The following FAM184B variants were observed in gnomAD, a reference collection of about 807,000 sequenced individuals.
FAM184B encodes family with sequence similarity 184 member B.
FAM184B carries 111 observed loss-of-function variants against 135.9 expected under a neutral mutation model. That is an observed-to-expected ratio of 0.82 (90% CI 0.70 to 0.96). The LOEUF (loss-of-function observed/expected upper bound fraction) is 0.96. Among genes scored for constraint, FAM184B ranks in the 40% least tolerant of loss-of-function variants. FAM184B has a pLI of 0.00. For synonymous variants in FAM184B, 552 were observed against 524.8 expected, an observed-to-expected ratio of 1.05 and a Z score of -0.71; for missense variants, 1,375 against 1,323.9, an observed-to-expected ratio of 1.04 and a Z score of -0.60.
intron 1 of FAM184B, among the ~76,000 whole-genome samples, chr4:17,766,138 T>G (rs1046978249): frequency 7.9e-5 from 12 of 152,228 alleles, no homozygotes; most frequent in Non-Finnish European, 1.5e-4. Context: ...AGGTTGCCAT[T>G]GCTGGGTCAG....
chr4:17,642,171 C>A lies in FAM184B; in HGVS notation c.2404G>T (p.Gly802Cys). Residue 802 changes from glycine to cysteine, a missense_variant, in exon 13 of 18, where the codon GGC (glycine) becomes TGC (cysteine). Gly to Cys is a radical substitution (Grantham distance 159). Transcript: ENST00000265018. ...TCCTCCCAGAGCCCGCATCCCTCGC[C>A]GGAACCCTGCCCAGCAGCGCCCGGT... ...SPPGAAGQGS[G>C]EGCGLWEENA... 1 of 1,532,470 alleles carries A rather than the reference C, an allele frequency of 6.5e-7. No individual in the cohort carries two copies. Among genetic ancestry groups the A allele is most frequent in the Non-Finnish European group, 8.7e-7 (1 of 1,145,226 alleles). 94.9% of individuals were successfully genotyped at this position (1,532,470 alleles called of 1,614,324 possible).
chr4:17,740,409 A>G (rs1010245886), intron 1 of FAM184B, among the ~76,000 whole-genome samples: 2 of 151,990 alleles, frequency 1.3e-5, no homozygotes, highest in African/African-American at 4.8e-5. Context: ...TGTATGTTAA[A>G]TGGTTCACAC....
At chr4:17,683,434 A>G (rs1047687272) in intron 7 of FAM184B, among the ~76,000 whole-genome samples, 1 of 152,214 alleles carries the variant, frequency 6.6e-6, no homozygotes, top group Non-Finnish European at 1.5e-5. Flanking sequence ...TCTGGAGTAG[A>G]TACTATCATT....
chr4:17,661,959 A>G (rs1271685082), intron 8 of FAM184B, among the ~76,000 whole-genome samples: 4 of 152,228 alleles, frequency 2.6e-5, no homozygotes, highest in Admixed American at 6.5e-5. Context: ...AATATATACA[A>G]CCATGAAACC....
rs374041125 is a variant in FAM184B at position 17,633,730 on chromosome 4, G to A, written c.3048C>T (p.Thr1016=). 9.9e-5 allele frequency: 154 copies of A among 1,549,698 alleles called. No individual in the cohort carries two copies. The highest frequency in any genetic ancestry group is 1.2e-4 in the Non-Finnish European group (140 of 1,146,160). Residue 1016 remains threonine, a synonymous_variant, in exon 17 of 18, where the codon ACC becomes ACT. Transcript: ENST00000265018. ...SLDPSPSCGR[T]YKPNQSTDAK... The stretch of plus-strand genomic sequence containing the variant: ...CATCTGTAGACTGGTTGGGTTTGTA[G>A]GTCCGGCCACAGCTGGGGCTTGGGT...
intron 1 of FAM184B, among the ~76,000 whole-genome samples, chr4:17,767,300 G>T (rs1718722129): frequency 6.6e-6 from 1 of 152,214 alleles, no homozygotes; most frequent in South Asian, 2.1e-4. Context: ...GGCCAGAGTG[G>T]GCTCCGAGGC....
intron 2 of FAM184B, 88 bp from the exon 3 acceptor site, chr4:17,707,872 G>T: frequency 6.8e-7 from 1 of 1,468,076 alleles, no homozygotes. Flanking sequence ...AGACCTGAAA[G>T]GCGGGTATAT....
intron 12 of FAM184B, among the ~76,000 whole-genome samples, chr4:17,645,162 TA>T: frequency 6.6e-6 from 1 of 152,300 alleles, no homozygotes; most frequent in Non-Finnish European, 1.5e-5. Flanking sequence ...CTGCCCAAGG[TA>T]ATTTATAGAT....
intron 1 of FAM184B, among the ~76,000 whole-genome samples, chr4:17,773,484 T>C (rs1205114148): frequency 6.6e-6 from 1 of 152,206 alleles, no homozygotes; most frequent in Non-Finnish European, 1.5e-5. Flanking sequence ...GTACATTTCC[T>C]CTAGTTGGTC....
rs574907179 is a variant in FAM184B at position 17,631,335 on chromosome 4, T to C, written c.*1197A>G. 7.4e-6 allele frequency: 1 copy of C among 134,664 alleles called. No homozygotes were observed. Among genetic ancestry groups the C allele is most frequent in the African/African-American group, 4.0e-5 (1 of 24,840 alleles). The allele number at this position is 134,664 out of a possible 1,614,324, so 8.3% of individuals were successfully genotyped here. A position where few individuals can be genotyped will look rare whatever the true frequency, so the allele number is the denominator to read the frequency against. Reference sequence around the variant, plus strand: ...AGTAGCTGGGTTTTCTTTGGGCTAATTATTTTTTTGTAGAGATGGAGGTCT... The same window carrying C: ...AGTAGCTGGGTTTTCTTTGGGCTAACTATTTTTTTGTAGAGATGGAGGTCT... On this transcript the variant is annotated 3_prime_UTR_variant, in exon 18 of 18. Transcript: ENST00000265018.
chr4:17,700,824 T>C (rs760067638), intron 5 of FAM184B, among the ~76,000 whole-genome samples: 3 of 151,948 alleles, frequency 2.0e-5, no homozygotes, highest in Non-Finnish European at 2.9e-5. Context: ...TAGAAATCAA[T>C]AATAAAATGA....
chr4:17,652,719 T>C, intron 11 of FAM184B, 111 bp downstream of exon 11: 2 of 1,283,778 alleles, frequency 1.6e-6, no homozygotes, highest in East Asian at 2.6e-5. Flanking sequence ...CCCGGAGCCG[T>C]GGCCTGTGAG....
chr4:17,658,588 G>T (rs1461960551), intron 9 of FAM184B, 26 bp from the exon 10 acceptor site: 1 of 1,540,722 alleles, frequency 6.5e-7, no homozygotes, highest in South Asian at 1.2e-5. Context: ...CCTGCCCTCA[G>T]TCTAAGCCCC....
At chr4:17,766,070 A>G (rs772976332) in intron 1 of FAM184B, among the ~76,000 whole-genome samples, 11 of 152,226 alleles carry the variant, frequency 7.2e-5, no homozygotes, top group Non-Finnish European at 1.5e-4. Context: ...TGCAGGCCCA[A>G]AGAGTAAGCC....
intron 1 of FAM184B, among the ~76,000 whole-genome samples, chr4:17,744,636 C>T (rs1395869694): frequency 6.6e-6 from 1 of 151,642 alleles, no homozygotes; most frequent in Non-Finnish European, 1.5e-5. Context: ...AGGAGAATAG[C>T]TTGAATCCGG....
intron 6 of FAM184B, among the ~76,000 whole-genome samples, chr4:17,688,785 G>A (rs1326289427): frequency 1.4e-5 from 2 of 137,966 alleles, no homozygotes; most frequent in East Asian, 2.4e-4. Context: ...TCCACCTCCC[G>A]GGTTCAAGTG....
At chr4:17,664,796 G>T (rs935130710) in intron 7 of FAM184B, 137 bp from the exon 8 acceptor site, 1 of 653,016 alleles carries the variant, frequency 1.5e-6, no homozygotes, top group Middle Eastern at 4.2e-4. Flanking sequence ...TCGGTGCCCT[G>T]CTTGCAGGGG....
At chr4:17,756,840 C>A (rs1718434752) in intron 1 of FAM184B, among the ~76,000 whole-genome samples, 1 of 152,156 alleles carries the variant, frequency 6.6e-6, no homozygotes, top group African/African-American at 2.4e-5. Context: ...AGGAGAATCA[C>A]TTGAACCTGG....
chr4:17,651,537 C>CAAAAAAAAAAAAAAAAAAA (rs751455835), intron 11 of FAM184B, among the ~76,000 whole-genome samples: 1 of 43,118 alleles, frequency 2.3e-5, no homozygotes, highest in Non-Finnish European at 3.8e-5. Context: ...GACTCTGTCT[C>CAAAAAAAAAAAAAAAAAAA]AAAAAAAAAA....
Sources: gnomAD v4.1 joint callset for allele counts (sites outside exome capture counted in the v4.1 genomes callset) on GRCh38, gnomAD v4.1.1 for gene constraint, MANE v1.5 for transcripts, NCBI Gene and HGNC (gene_info 2026-07-23, HGNC 2026-07-21) for gene names.